TRPM3: variants seen among roughly 807,000 people sequenced by gnomAD.
TRPM3 encodes long transient receptor potential channel 3.
In TRPM3, 77 loss-of-function variants were observed where a neutral mutation model predicts 181.2. The ratio of observed to expected loss-of-function variants is 0.42; its 90% CI spans 0.35 to 0.51. The LOEUF (loss-of-function observed/expected upper bound fraction) is 0.51. Among genes scored for constraint, TRPM3 ranks in the 20% least tolerant of loss-of-function variants. The pLI is 0.01. For synonymous variants in TRPM3, 745 were observed against 796.4 expected, an observed-to-expected ratio of 0.94 and a Z score of 1.09; for missense variants, 1,759 against 2,196.7, an observed-to-expected ratio of 0.80 and a Z score of 3.98.
At chr9:70,984,767 A>G (rs1416350936) in intron 1 of TRPM3, among the ~76,000 whole-genome samples, 1 of 152,226 alleles carries the variant, frequency 6.6e-6, no homozygotes, top group African/African-American at 2.4e-5. Context: ...TGATGCCTTC[A>G]TTTTAGTCAC....
chr9:71,412,093 T>C (rs947542958), intron 1 of TRPM3, among the ~76,000 whole-genome samples: 9 of 152,086 alleles, frequency 5.9e-5, no homozygotes, highest in Non-Finnish European at 8.8e-5. Flanking sequence ...ATGCAAAAAT[T>C]AATTCAAGAT....
intron 1 of TRPM3, among the ~76,000 whole-genome samples, chr9:71,015,632 C>T (rs2134426612): frequency 6.6e-6 from 1 of 152,214 alleles, no homozygotes; most frequent in Admixed American, 6.5e-5. Flanking sequence ...AGAGGGTTTC[C>T]CTTATCATTT....
At chr9:70,610,464 G>A in intron 19 of TRPM3, 145 bp downstream of exon 19, 1 of 965,364 alleles carries the variant, frequency 1.0e-6, no homozygotes, top group East Asian at 2.5e-5. Context: ...AAATCTTGCA[G>A]AGCTATTGAA....
At chr9:70,942,882 C>A (rs2096899043) in intron 1 of TRPM3, among the ~76,000 whole-genome samples, 1 of 151,988 alleles carries the variant, frequency 6.6e-6, no homozygotes, top group Non-Finnish European at 1.5e-5. Flanking sequence ...TCAAATTCCC[C>A]AGGTGATTCT....
In TRPM3 at chr9:70,535,951, G is replaced by A. The variant is rs147255141; in HGVS notation, c.*2C>T. The A allele has an allele frequency of 3.2e-6, 5 of 1,587,114 alleles. No homozygotes were observed. The African/African-American group carries it at 4.1e-5, about 13-fold the overall frequency. ...GCCTTCTGTGGCGGATATTAAGAAG[G>A]TTTAGTTGTGCTTGCTTTCAAAGCT... is the stretch of plus-strand genomic sequence containing the variant. On this transcript the variant is annotated 3_prime_UTR_variant, in exon 26 of 26. Coordinates refer to ENST00000677713, the MANE Select transcript of TRPM3 (RefSeq NM_001366145.2).
intron 1 of TRPM3, among the ~76,000 whole-genome samples, chr9:71,351,567 A>C (rs1320408143): frequency 6.6e-6 from 1 of 152,244 alleles, no homozygotes; most frequent in East Asian, 1.9e-4. Context: ...TTGTCTTTTT[A>C]AACAGTCAAA....
At chr9:71,399,528 T>C (rs984301964) in intron 1 of TRPM3, among the ~76,000 whole-genome samples, 5 of 114,740 alleles carry the variant, frequency 4.4e-5, no homozygotes, top group East Asian at 7.9e-4. Context: ...TTTCTTTTGT[T>C]TTTTTTTTTT....
intron 9 of TRPM3, among the ~76,000 whole-genome samples, chr9:70,642,786 A>ATAAG (rs2058259472): frequency 6.6e-6 from 1 of 152,232 alleles, no homozygotes; most frequent in Non-Finnish European, 1.5e-5. Flanking sequence ...TTTAGCATGC[A>ATAAG]TAAGTACAAT....
chr9:71,161,195 A>C (rs997127494), intron 1 of TRPM3, among the ~76,000 whole-genome samples: 2 of 152,186 alleles, frequency 1.3e-5, no homozygotes, highest in Non-Finnish European at 2.9e-5. Flanking sequence ...AGGAAACTCC[A>C]ACTACTTTCA....
At chr9:70,984,925 T>C (rs1213790541) in intron 1 of TRPM3, among the ~76,000 whole-genome samples, 1 of 152,262 alleles carries the variant, frequency 6.6e-6, no homozygotes, top group Non-Finnish European at 1.5e-5. Context: ...GAATATGAGG[T>C]CATTCAGAGT....
intron 1 of TRPM3, among the ~76,000 whole-genome samples, chr9:70,866,082 G>C (rs2095644563): frequency 6.6e-6 from 1 of 152,032 alleles, no homozygotes; most frequent in South Asian, 2.1e-4. Flanking sequence ...TAGACAGCCA[G>C]TCTTTTTCTT....
chr9:71,021,986 A>G (rs981184690), intron 1 of TRPM3, among the ~76,000 whole-genome samples: 28 of 152,316 alleles, frequency 1.8e-4, no homozygotes, highest in African/African-American at 6.3e-4. Flanking sequence ...TGTTGCTTAC[A>G]GGAGGTTGGA....
At chr9:70,939,604 A>C (rs1419187061) in intron 1 of TRPM3, among the ~76,000 whole-genome samples, 1 of 152,224 alleles carries the variant, frequency 6.6e-6, no homozygotes, top group East Asian at 1.9e-4. Flanking sequence ...TGCAAGTGAA[A>C]GATTGAAAAG....
At chr9:70,922,138 A>G (rs2096663722) in intron 1 of TRPM3, among the ~76,000 whole-genome samples, 1 of 152,224 alleles carries the variant, frequency 6.6e-6, no homozygotes, top group Non-Finnish European at 1.5e-5. Context: ...AATAACTCAT[A>G]GGAGACACAT....
At chr9:71,148,319 A>AT in intron 1 of TRPM3, among the ~76,000 whole-genome samples, 1 of 152,174 alleles carries the variant, frequency 6.6e-6, no homozygotes, top group African/African-American at 2.4e-5. Context: ...CAAATCATAC[A>AT]TTTGCTTGAA....
intron 1 of TRPM3, among the ~76,000 whole-genome samples, chr9:71,286,744 A>G (rs990149615): frequency 6.6e-6 from 1 of 151,658 alleles, no homozygotes; most frequent in Admixed American, 6.6e-5. Flanking sequence ...TCTCGGATTC[A>G]ATCTTGTACC....
intron 22 of TRPM3, among the ~76,000 whole-genome samples, chr9:70,571,253 T>C (rs999778699): frequency 6.6e-6 from 1 of 152,202 alleles, no homozygotes; most frequent in African/African-American, 2.4e-5. Context: ...TGTGTAACCT[T>C]TGGCAGGTCA....
chr9:70,691,932 T>G lies in TRPM3; in HGVS notation c.1273-10354A>C, dbSNP rs2068709687. Among the ~76,000 whole-genome samples, 3 of 152,202 alleles carry G rather than the reference T, an allele frequency of 2.0e-5. No homozygotes were observed. In the South Asian group the frequency reaches 6.2e-4, roughly 32 times the overall value. ...TTCTGGTTGGGCCAGTAAAGCCCCC[T>G]TCCTCATCCCTCTTTTCCTCTTATC... On this transcript the variant is annotated intron_variant, in intron 8 of 25. Transcript: ENST00000677713.
chr9:71,149,553 A>C (rs1395814687), intron 1 of TRPM3, among the ~76,000 whole-genome samples: 1 of 152,188 alleles, frequency 6.6e-6, no homozygotes, highest in African/African-American at 2.4e-5. Context: ...CCACCCTACC[A>C]AACTATGCAC....
Sources: allele counts gnomAD v4.1 joint callset (sites outside exome capture counted in the v4.1 genomes callset), GRCh38; gene constraint gnomAD v4.1.1; transcripts MANE v1.5; gene names NCBI Gene and HGNC (gene_info 2026-07-23, HGNC 2026-07-21).